Variants in GMPR observed in about 807,000 individuals in gnomAD.
GMPR encodes GMP reductase 1.
Under a neutral mutation model 38.4 loss-of-function variants are expected in GMPR, and 31 were observed. The observed-to-expected ratio is 0.81, with a 90% confidence interval of 0.61 to 1.09. The LOEUF (loss-of-function observed/expected upper bound fraction) is 1.09. Among genes scored for constraint, GMPR ranks in the 50% least tolerant of loss-of-function variants. The pLI is 0.00. For synonymous variants in GMPR, 162 were observed against 173.3 expected (o/e 0.93, Z 0.51); for missense variants, 468 against 453.7 (o/e 1.03, Z -0.29).
chr6:16,289,064 G>A (rs911368771), intron 7 of GMPR, among the ~76,000 whole-genome samples: 12 of 152,144 alleles, frequency 7.9e-5, no homozygotes, highest in Admixed American at 5.9e-4. Context: ...CTTTTCTTTG[G>A]GAGGGTGATT....
At chr6:16,277,793 T>C (rs1759500777) in intron 5 of GMPR, among the ~76,000 whole-genome samples, 1 of 152,034 alleles carries the variant, frequency 6.6e-6, no homozygotes, top group Non-Finnish European at 1.5e-5. Context: ...AGGGTTTGGC[T>C]AGGCGGGCTG....
intron 4 of GMPR, among the ~76,000 whole-genome samples, chr6:16,255,064 TAC>T (rs1758948443): frequency 6.6e-6 from 1 of 151,422 alleles, no homozygotes; most frequent in Non-Finnish European, 1.5e-5. Context: ...CAGGCTGGAG[TAC>T]AGTGGGGTGA....
intron 1 of GMPR, among the ~76,000 whole-genome samples, chr6:16,239,157 C>T (rs1005893470): frequency 1.3e-5 from 2 of 152,126 alleles, no homozygotes; most frequent in Non-Finnish European, 2.9e-5. Context: ...AACTGCAGAT[C>T]CCGGTGATTT....
At chr6:16,240,626 T>C (rs1581643169) in intron 1 of GMPR, among the ~76,000 whole-genome samples, 1 of 152,174 alleles carries the variant, frequency 6.6e-6, no homozygotes, top group African/African-American at 2.4e-5. Context: ...ACCCTGTCTC[T>C]AAAGCTAAAA....
At chr6:16,292,532 TC>T (rs1249510329) in intron 8 of GMPR, among the ~76,000 whole-genome samples, 4 of 152,120 alleles carry the variant, frequency 2.6e-5, no homozygotes, top group Admixed American at 6.5e-5. Context: ...CCCCAAGCGG[TC>T]CCTGATAGAG....
intron 7 of GMPR, 155 bp from the exon 8 acceptor site, chr6:16,290,307 C>T: frequency 1.4e-6 from 1 of 699,732 alleles, no homozygotes; most frequent in Non-Finnish European, 2.5e-6. Flanking sequence ...CTCCCTTTTT[C>T]CAGGAGGAGA....
At chr6:16,245,673 G>A (rs1030936340) in intron 1 of GMPR, among the ~76,000 whole-genome samples, 2 of 152,146 alleles carry the variant, frequency 1.3e-5, no homozygotes, top group African/African-American at 4.8e-5. Context: ...TTGAATGCGG[G>A]GCATTCTGAC....
chr6:16,250,518 A>G, intron 3 of GMPR, 151 bp downstream of exon 3: 1 of 636,144 alleles, frequency 1.6e-6, no homozygotes, highest in Non-Finnish European at 2.8e-6. Flanking sequence ...TGCTGAGAAA[A>G]CTTGTTTCCA....
intron 3 of GMPR, among the ~76,000 whole-genome samples, chr6:16,253,957 A>G (rs1321947444): frequency 6.6e-6 from 1 of 151,462 alleles, no homozygotes; most frequent in Non-Finnish European, 1.5e-5. Flanking sequence ...GGCGGACGGA[A>G]CCTTGCTCTG....
At chr6:16,289,481 C>T (rs1029080966) in intron 7 of GMPR, 2 of 152,222 alleles carry the variant, frequency 1.3e-5, no homozygotes, top group East Asian at 1.9e-4. Context: ...TAGAACCAGC[C>T]CTGGGCCTGT....
At chr6:16,262,197 C>G (rs560229915) in intron 4 of GMPR, 1 of 151,656 alleles carries the variant, frequency 6.6e-6, no homozygotes, top group South Asian at 2.1e-4. Flanking sequence ...GAGAGTTACG[C>G]GAAGCTCGGC....
chr6:16,245,791 G>T (rs1409057413), intron 1 of GMPR, among the ~76,000 whole-genome samples: 4 of 152,224 alleles, frequency 2.6e-5, no homozygotes, highest in Non-Finnish European at 4.4e-5. Flanking sequence ...CCCAGGAAGG[G>T]ACTGGGCTTG....
At chr6:16,291,846 G>A (rs1440859609) in intron 8 of GMPR, among the ~76,000 whole-genome samples, 1 of 151,940 alleles carries the variant, frequency 6.6e-6, no homozygotes, top group Non-Finnish European at 1.5e-5. Flanking sequence ...AGGAGTTGGA[G>A]GCTGCAGTGA....
At chr6:16,242,503 A>G (rs1448113610) in intron 1 of GMPR, among the ~76,000 whole-genome samples, 1 of 152,098 alleles carries the variant, frequency 6.6e-6, no homozygotes, top group South Asian at 2.1e-4. Context: ...GAGGGCTGGG[A>G]GGGAGATTCT....
Position 16,295,078 on chromosome 6 carries a change from G to A in GMPR, c.930G>A (p.Gly310=), listed in dbSNP as rs748136127. Residue 310 remains glycine (G), a synonymous_variant, in exon 9 of 9, where the codon GGG becomes GGA. Transcript: ENST00000259727. ...DVENTILDIL[G]GLRSTCTYVG... ...AAAACACTATCCTGGATATTCTCGG[G>A]GGACTGAGGTCCACGTGCACCTACG... The A allele has an allele frequency of 2.4e-5, 39 of 1,601,078 alleles. 1 individual carries two copies. The South Asian group carries it at 4.0e-4, about 16-fold the overall frequency.
intron 4 of GMPR, 29 bp from the exon 5 acceptor site, chr6:16,274,386 G>T: frequency 7.3e-7 from 1 of 1,368,250 alleles, no homozygotes. Flanking sequence ...AGTAGTTCAT[G>T]ATCATCAGCT....
At chr6:16,289,301 C>T (rs1759776480) in intron 7 of GMPR, among the ~76,000 whole-genome samples, 2 of 152,190 alleles carry the variant, frequency 1.3e-5, no homozygotes, top group Admixed American at 6.5e-5. Context: ...GACCAAGAAC[C>T]CACCAGTTCC....
chr6:16,285,910 C>T, intron 7 of GMPR, 75 bp downstream of exon 7: 1 of 1,241,610 alleles, frequency 8.1e-7, no homozygotes, highest in Admixed American at 2.0e-5. Flanking sequence ...AGCTGGCAAC[C>T]TGAATGAGGA....
At chr6:16,282,754 T>C (rs533862307) in intron 6 of GMPR, among the ~76,000 whole-genome samples, 1 of 152,350 alleles carries the variant, frequency 6.6e-6, no homozygotes, top group Non-Finnish European at 1.5e-5. Context: ...ATTTTTCTTT[T>C]TTCCTTTTTG....
Sources: gnomAD v4.1 joint callset for allele counts (sites outside exome capture counted in the v4.1 genomes callset) on GRCh38, gnomAD v4.1.1 for gene constraint, MANE v1.5 for transcripts, NCBI Gene and HGNC (gene_info 2026-07-23, HGNC 2026-07-21) for gene names.